Variants in SF3B3 observed in about 807,000 individuals in gnomAD.
SF3B3 encodes splicing factor 3b subunit 3.
Under a neutral mutation model 139.2 loss-of-function variants are expected in SF3B3, and 33 were observed. The ratio of observed to expected loss-of-function variants is 0.24; its 90% confidence interval spans 0.18 to 0.32. The LOEUF is 0.32. SF3B3 is among the 10% of genes least tolerant of loss of function. The pLI is 1.00. For missense variants in SF3B3, 818 were observed against 1,509.4 expected, an observed-to-expected ratio of 0.54 and a Z score of 7.59; for synonymous variants, 596 against 563.6, an observed-to-expected ratio of 1.06 and a Z score of -0.81.
rs374028001 is a variant in SF3B3, at chr16:70,565,048, C to A, written c.2464-17C>A. 14 of 1,612,146 alleles carry A rather than the reference C, an allele frequency of 8.7e-6. No homozygotes were observed. In the African/African-American group the frequency reaches 1.7e-4, roughly 20 times the overall value. Reference sequence around the variant, plus strand: ...CTCTGAGCACGCCAACTCAGTTACTCGTTTTTTTGGGTTTAGGAAATGGTG... The same window carrying A: ...CTCTGAGCACGCCAACTCAGTTACTAGTTTTTTTGGGTTTAGGAAATGGTG... On this transcript the variant is annotated splice_polypyrimidine_tract_variant and intron_variant, in intron 18 of 25. Transcript: ENST00000302516.
chr16:70,546,945 G>A (rs531578891), intron 10 of SF3B3, among the ~76,000 whole-genome samples: 9 of 151,586 alleles, frequency 5.9e-5, no homozygotes, highest in Non-Finnish European at 1.2e-4. Context: ...GGAGAATGGC[G>A]TGAACCCGGG....
Position 70,554,480 on chromosome 16 carries a change from G to A in SF3B3, c.1437G>A (p.Val479=), listed in dbSNP as rs765658609. The A allele has an allele frequency of 1.9e-6, 3 of 1,614,032 alleles. No homozygotes were observed. The highest frequency in any genetic ancestry group is 2.7e-5 in the African/African-American group (2 of 74,916). Residue 479 remains valine, a synonymous_variant, in exon 12 of 26, where the codon GTG becomes GTA. Transcript: ENST00000302516. ...EFDAYIIVSF[V]NATLVLSIGE... Reference sequence around the variant, plus strand: ...ATGCCTACATCATTGTGTCTTTCGTGAATGCCACCCTAGTGTTGTCCATTG... The same window carrying A: ...ATGCCTACATCATTGTGTCTTTCGTAAATGCCACCCTAGTGTTGTCCATTG...
At chr16:70,531,943 A>T (rs942901287) in intron 4 of SF3B3, among the ~76,000 whole-genome samples, 1 of 152,196 alleles carries the variant, frequency 6.6e-6, no homozygotes, top group African/African-American at 2.4e-5. Context: ...GCATGTGCCT[A>T]TAGTCCTAGC....
chr16:70,527,435 A>T (rs2050074758), intron 2 of SF3B3, among the ~76,000 whole-genome samples: 1 of 152,210 alleles, frequency 6.6e-6, no homozygotes, highest in African/African-American at 2.4e-5. Flanking sequence ...GTAGAGTAAG[A>T]CATAATTTTG....
At chr16:70,537,124 A>G (rs1004275908) in intron 6 of SF3B3, among the ~76,000 whole-genome samples, 11 of 152,090 alleles carry the variant, frequency 7.2e-5, no homozygotes, top group African/African-American at 2.7e-4. Context: ...ATTCTCTTAT[A>G]GTCTGTCCCA....
intron 2 of SF3B3, among the ~76,000 whole-genome samples, chr16:70,528,162 C>CT (rs760087242): frequency 0.014 from 1,735 of 122,302 alleles, 42 homozygotes; most frequent in East Asian, 0.019. Flanking sequence ...GAGAAGTTTT[C>CT]TTTTTTTTTT....
chr16:70,564,625 C>G (rs973235631), intron 18 of SF3B3, among the ~76,000 whole-genome samples: 3 of 152,208 alleles, frequency 2.0e-5, no homozygotes, highest in Non-Finnish European at 4.4e-5. Flanking sequence ...TTCATGTTCT[C>G]CACAACACCA....
At chr16:70,542,314 T>C (rs1268659048) in intron 9 of SF3B3, among the ~76,000 whole-genome samples, 1 of 152,272 alleles carries the variant, frequency 6.6e-6, no homozygotes, top group Non-Finnish European at 1.5e-5. Context: ...TACATATAGC[T>C]GTATTTATTT....
chr16:70,567,640 CTTG>C (rs2050489528), intron 21 of SF3B3, 104 bp downstream of exon 21: 2 of 1,340,970 alleles, frequency 1.5e-6, no homozygotes, highest in South Asian at 1.5e-5. Context: ...TTTATTAGGA[CTTG>C]TTGTGTTACC....
chr16:70,544,915 A>G (rs191683728), intron 10 of SF3B3, among the ~76,000 whole-genome samples: 1 of 152,314 alleles, frequency 6.6e-6, no homozygotes, highest in East Asian at 1.9e-4. Context: ...TAGTCATGAC[A>G]TGGAGGCTAG....
chr16:70,562,410 A>G (rs1015632640), intron 17 of SF3B3, among the ~76,000 whole-genome samples: 2 of 152,146 alleles, frequency 1.3e-5, no homozygotes, highest in Non-Finnish European at 2.9e-5. Flanking sequence ...ATTAATCACT[A>G]TTGCTTATCA....
chr16:70,538,226 T>A lies in SF3B3; in HGVS notation c.826-97T>A, dbSNP rs149078115. On this transcript the variant is annotated intron_variant, in intron 6 of 25. Transcript: ENST00000302516. ...GGATCAAAGCTTGTGCCTTTAGGCC[T>A]TTAATGTCATTTGTAATCCCTATTG... 113 of 1,151,912 alleles carry A rather than the reference T, an allele frequency of 9.8e-5. No individual in the cohort carries two copies. In the East Asian group the frequency reaches 2.3e-3, roughly 24 times the overall value. The allele number at this position is 1,151,912 out of a possible 1,614,324, so 71.4% of individuals were successfully genotyped here.
chr16:70,543,358 T>G (rs1414076770), intron 9 of SF3B3, among the ~76,000 whole-genome samples: 5 of 150,592 alleles, frequency 3.3e-5, no homozygotes, highest in African/African-American at 1.2e-4. Context: ...TGCGGTGAGC[T>G]GAGATCACAC....
At chr16:70,535,086 A>G (rs559209750) in intron 5 of SF3B3, among the ~76,000 whole-genome samples, 2 of 152,314 alleles carry the variant, frequency 1.3e-5, no homozygotes, top group African/African-American at 2.4e-5. Context: ...GGAGGTAAAC[A>G]TTTGGATACG....
At chr16:70,561,570 A>G in intron 16 of SF3B3, 60 bp from the exon 17 acceptor site, 1 of 1,494,942 alleles carries the variant, frequency 6.7e-7, no homozygotes, top group Non-Finnish European at 9.2e-7. Flanking sequence ...TGGTCAGCTT[A>G]TACCATATTT....
chr16:70,524,262 G>T (rs1210832425), intron 1 of SF3B3, among the ~76,000 whole-genome samples: 2 of 152,156 alleles, frequency 1.3e-5, no homozygotes, highest in Non-Finnish European at 2.9e-5. Flanking sequence ...CCGAGGGGAA[G>T]ATAGAAAGAT....
chr16:70,532,368 G>A (rs116505546), intron 4 of SF3B3, 111 bp from the exon 5 acceptor site: 21,361 of 432,868 alleles, frequency 0.049, 490 homozygotes, highest in African/African-American at 0.29. Context: ...AAAAAAAAAA[G>A]AAGACATTTG....
At chr16:70,526,327 C>G (rs1289568578) in intron 1 of SF3B3, among the ~76,000 whole-genome samples, 1 of 152,056 alleles carries the variant, frequency 6.6e-6, no homozygotes, top group Non-Finnish European at 1.5e-5. Flanking sequence ...CCTGCCTCAG[C>G]CTCCCGAGTA....
Position 70,548,352 on chromosome 16 carries a change from T to TC in SF3B3, c.1330-15dup, listed in dbSNP as rs1390901391. 1 of 1,611,726 alleles carries TC rather than the reference T, an allele frequency of 6.2e-7. No homozygotes were observed. The highest frequency in any genetic ancestry group is 8.5e-7 in the Non-Finnish European group (1 of 1,177,920). ...TTGCATGCTCACTGGATCTGTGGCT[T>TC]CCCTCTTCTCCTGTCAGGTGTCAGA... On this transcript the variant is annotated splice_polypyrimidine_tract_variant and intron_variant, in intron 10 of 25. Transcript: ENST00000302516.
Sources: gnomAD v4.1 joint callset for allele counts (sites outside exome capture counted in the v4.1 genomes callset) on GRCh38, gnomAD v4.1.1 for gene constraint, MANE v1.5 for transcripts, NCBI Gene and HGNC (gene_info 2026-07-23, HGNC 2026-07-21) for gene names.